LRBA: variants seen among roughly 807,000 people sequenced by gnomAD.
The protein encoded by LRBA is lipopolysaccharide-responsive and beige-like anchor protein.
LRBA carries 176 observed loss-of-function variants against 330.0 expected under a neutral mutation model. The ratio of observed to expected loss-of-function variants is 0.53; its 90% confidence interval spans 0.47 to 0.60. The LOEUF (loss-of-function observed/expected upper bound fraction) is 0.60. LRBA is among the 20% of genes least tolerant of loss of function. The pLI is 0.00. For synonymous variants in LRBA, 1,230 were observed against 1,193.0 expected (o/e 1.03, Z -0.64); for missense variants, 3,259 against 3,444.8 (o/e 0.95, Z 1.35).
chr4:150,564,883 G>T (rs1252621178), intron 40 of LRBA, among the ~76,000 whole-genome samples: 1 of 152,112 alleles, frequency 6.6e-6, no homozygotes, highest in Admixed American at 6.6e-5. Flanking sequence ...GGAAACAACA[G>T]ATGCTGGCGA....
intron 44 of LRBA, among the ~76,000 whole-genome samples, chr4:150,456,834 T>A (rs372501568): frequency 1.3e-5 from 2 of 152,092 alleles, no homozygotes; most frequent in East Asian, 3.9e-4. Flanking sequence ...TTCATTTTGA[T>A]TTGATTTTTG....
chr4:150,953,264 C>G (rs551222267), intron 2 of LRBA, among the ~76,000 whole-genome samples: 1 of 152,090 alleles, frequency 6.6e-6, no homozygotes, highest in African/African-American at 2.4e-5. Flanking sequence ...ACTAACCTCA[C>G]GAACATCTAT....
At chr4:150,446,780 C>T (rs979388042) in intron 44 of LRBA, among the ~76,000 whole-genome samples, 3 of 152,140 alleles carry the variant, frequency 2.0e-5, no homozygotes, top group South Asian at 2.1e-4. Context: ...AAAATAAAGG[C>T]GGATGAGATT....
At chr4:150,789,083 T>C (rs919106502) in intron 34 of LRBA, among the ~76,000 whole-genome samples, 1 of 151,968 alleles carries the variant, frequency 6.6e-6, no homozygotes, top group African/African-American at 2.4e-5. Context: ...CAAAAAAATA[T>C]ATATATATAT....
intron 2 of LRBA, among the ~76,000 whole-genome samples, chr4:150,941,612 T>C (rs971064418): frequency 1.2e-4 from 19 of 152,292 alleles, no homozygotes; most frequent in African/African-American, 4.6e-4. Context: ...AGTGTCTGGC[T>C]ACAATGGCTC....
chr4:150,518,317 G>A (rs1037694952), intron 40 of LRBA, among the ~76,000 whole-genome samples: 14 of 152,170 alleles, frequency 9.2e-5, no homozygotes, highest in African/African-American at 3.4e-4. Context: ...GCAGGAAGGT[G>A]CAAGATTTCA....
At chr4:150,599,784 C>T (rs953014626) in intron 37 of LRBA, among the ~76,000 whole-genome samples, 1 of 152,102 alleles carries the variant, frequency 6.6e-6, no homozygotes, top group Non-Finnish European at 1.5e-5. Context: ...TAGAACAACA[C>T]AAGAAAATGC....
intron 2 of LRBA, among the ~76,000 whole-genome samples, chr4:150,989,599 C>T (rs532519710): frequency 2.0e-5 from 3 of 151,906 alleles, no homozygotes; most frequent in East Asian, 3.9e-4. Flanking sequence ...GGCGACAGAG[C>T]GAGACTCCAT....
intron 30 of LRBA, among the ~76,000 whole-genome samples, chr4:150,823,415 T>C (rs1175177564): frequency 6.6e-6 from 1 of 152,170 alleles, no homozygotes; most frequent in Non-Finnish European, 1.5e-5. Context: ...CTGTGGGTTG[T>C]CTCTTCAATT....
At chr4:150,964,528 A>G (rs1738661303) in intron 2 of LRBA, among the ~76,000 whole-genome samples, 1 of 150,502 alleles carries the variant, frequency 6.6e-6, no homozygotes, top group African/African-American at 2.5e-5. Context: ...CTTACCCCCA[A>G]CCCCGTGCTC....
In LRBA at chr4:150,798,110, C is replaced by T. The variant is rs772626102; in HGVS notation, c.5551G>A (p.Val1851Met). 4 of 1,609,894 alleles carry T rather than the reference C, an allele frequency of 2.5e-6. No homozygotes were observed. The highest frequency in any genetic ancestry group is 3.4e-6 in the Non-Finnish European group (4 of 1,176,400). The change falls in exon 34 of 57, where the codon GTG becomes ATG. Residue 1851 changes from valine to methionine, a missense_variant. Physicochemically the swap from Val to Met is conservative, Grantham distance 21 (BLOSUM62 1). Transcript: ENST00000651943. ...LVCMKSSSSV[V>M]ELVMLLCSQE... ...GAACACAGTAGCATAACCAATTCCA[C>T]AACTGAACTACTCGACTTCATGCAA... is the stretch of plus-strand genomic sequence containing the variant.
chr4:151,011,424 C>T (rs529952935), intron 2 of LRBA, among the ~76,000 whole-genome samples: 74 of 151,954 alleles, frequency 4.9e-4, no homozygotes, highest in African/African-American at 1.7e-3. Flanking sequence ...ATGGTGAAAC[C>T]CCGCCTCTAC....
At chr4:150,500,173 C>T (rs1205851881) in intron 40 of LRBA, among the ~76,000 whole-genome samples, 2 of 151,856 alleles carry the variant, frequency 1.3e-5, no homozygotes, top group Non-Finnish European at 2.9e-5. Context: ...GATCTGATTA[C>T]TATACATTAT....
At chr4:150,929,491 A>T (rs1288252286) in intron 2 of LRBA, among the ~76,000 whole-genome samples, 1 of 152,228 alleles carries the variant, frequency 6.6e-6, no homozygotes, top group East Asian at 1.9e-4. Context: ...AAAGGCTCAG[A>T]GTGGTCACAC....
intron 28 of LRBA, among the ~76,000 whole-genome samples, chr4:150,841,683 T>C (rs184150): frequency 0.87 from 132,818 of 151,806 alleles, 58,515 homozygotes; most frequent in Non-Finnish European, 0.94. Context: ...GACAGAGTCT[T>C]GCTCTGTCGC....
chr4:150,422,755 C>A lies in LRBA; in HGVS notation c.7042-7165G>T, dbSNP rs532163622. 4.9e-6 allele frequency: 6 copies of A among 1,236,816 alleles called. No homozygotes were observed. In the East Asian group the frequency reaches 1.2e-4, roughly 25 times the overall value. 76.6% of individuals were successfully genotyped at this position (1,236,816 alleles called of 1,614,324 possible). A position where few individuals can be genotyped will look rare whatever the true frequency, so the allele number is the denominator to read the frequency against. The stretch of plus-strand genomic sequence containing the variant: ...GAGGGCCCAAAGGGCTTCTTCATGA[C>A]CTGGTGGCCAGCTGGGCACTGTTCT... On this transcript the variant is annotated intron_variant, in intron 46 of 56. Coordinates refer to ENST00000651943, the MANE Select transcript of LRBA (RefSeq NM_001364905.1).
chr4:150,355,755 A>C (rs759619192), intron 47 of LRBA, among the ~76,000 whole-genome samples: 2 of 152,112 alleles, frequency 1.3e-5, no homozygotes, highest in Non-Finnish European at 2.9e-5. Context: ...AATGAATGAA[A>C]CATCCATTTT....
chr4:150,313,085 C>T (rs1490777338), intron 51 of LRBA, among the ~76,000 whole-genome samples: 1 of 152,002 alleles, frequency 6.6e-6, no homozygotes, highest in Non-Finnish European at 1.5e-5. Context: ...AAATTGAACA[C>T]ATATGCTTAA....
intron 40 of LRBA, among the ~76,000 whole-genome samples, chr4:150,530,563 AT>A (rs1375948438): frequency 6.6e-6 from 1 of 152,146 alleles, no homozygotes; most frequent in Non-Finnish European, 1.5e-5. Context: ...TATGTGTTAT[AT>A]TTTGCACTGT....
Sources: gnomAD v4.1 joint callset for allele counts (sites outside exome capture counted in the v4.1 genomes callset) on GRCh38, gnomAD v4.1.1 for gene constraint, MANE v1.5 for transcripts, NCBI Gene and HGNC (gene_info 2026-07-23, HGNC 2026-07-21) for gene names.